The following ADCY3 variants were observed in gnomAD, a reference collection of about 807,000 sequenced individuals.
ADCY3 encodes adenylate cyclase type 3.
In ADCY3, 70 loss-of-function variants were observed where a neutral mutation model predicts 119.4. The observed-to-expected ratio is 0.59, with a 90% confidence interval of 0.48 to 0.72. The LOEUF (loss-of-function observed/expected upper bound fraction) is 0.72, where lower values mean the gene tolerates loss of function less well. Among genes scored for constraint, ADCY3 ranks in the 30% least tolerant of loss-of-function variants. ADCY3 has a pLI of 0.00. For synonymous variants in ADCY3, 672 were observed against 621.4 expected, an observed-to-expected ratio of 1.08 and a Z score of -1.21; for missense variants, 1,238 against 1,541.6, an observed-to-expected ratio of 0.80 and a Z score of 3.30.
At chr2:24,857,770 C>T (rs970762545) in intron 3 of ADCY3, among the ~76,000 whole-genome samples, 3 of 152,130 alleles carry the variant, frequency 2.0e-5, no homozygotes, top group Non-Finnish European at 4.4e-5. Flanking sequence ...AACTCAGTAC[C>T]ACCCTGGGCA....
At chr2:24,849,217 T>C (rs1251943792) in intron 3 of ADCY3, among the ~76,000 whole-genome samples, 1 of 152,200 alleles carries the variant, frequency 6.6e-6, no homozygotes, top group Non-Finnish European at 1.5e-5. Flanking sequence ...TCAGGCTCTC[T>C]TGGAACCTTG....
rs189176949 is a variant in ADCY3 at position 24,842,131 on chromosome 2, G to A, written c.956+123C>T. 3.1e-4 allele frequency: 418 copies of A among 1,366,418 alleles called. 3 individuals are homozygous for A. The African/African-American group carries it at 5.4e-3, about 18-fold the overall frequency. 84.6% of individuals were successfully genotyped at this position (1,366,418 alleles called of 1,614,324 possible). On this transcript the variant is annotated intron_variant, in intron 4 of 21. Transcript: ENST00000679454. This position sits in a 1 kb window ranked among gnomAD's most constrained non-coding sequence, Gnocchi z 4.9. The stretch of plus-strand genomic sequence containing the variant: ...CCTCCGCCAGGCTGATGAATGCTGT[G>A]GGAGGCCTTGCTTCTAGTCCCTGGA...
chr2:24,888,708 T>G (rs1677344685), intron 2 of ADCY3, among the ~76,000 whole-genome samples: 1 of 152,212 alleles, frequency 6.6e-6, no homozygotes, highest in African/African-American at 2.4e-5. Flanking sequence ...GTATTTTATT[T>G]TACCAAAATG....
In ADCY3 at chr2:24,856,051, G is replaced by C. The variant is rs184642467; in HGVS notation, c.826-13667C>G. On this transcript the variant is annotated intron_variant, in intron 3 of 21. Transcript: ENST00000679454. ...GAGTTAATTACAGCAAGGAGGCCAG[G>C]AGGGATTTGGATAAATGAGGTTGGC... 7.0e-4 allele frequency among the ~76,000 whole-genome samples: 106 copies of C among 152,332 alleles called. 1 individual carries two copies. The highest frequency in any genetic ancestry group is 2.4e-3 in the African/African-American group (100 of 41,572).
intron 3 of ADCY3, among the ~76,000 whole-genome samples, chr2:24,855,303 A>G (rs569697161): frequency 6.6e-6 from 1 of 152,314 alleles, no homozygotes; most frequent in South Asian, 2.1e-4. Flanking sequence ...TAATGAGGAA[A>G]GGCTGCTGGG....
rs895930534 is a variant in ADCY3 at position 24,898,384 on chromosome 2, G to A, written c.675+19929C>T. Among the ~76,000 whole-genome samples the A allele has an allele frequency of 6.6e-6, 1 of 152,014 alleles. No homozygotes were observed. The highest frequency in any genetic ancestry group is 1.5e-5 in the Non-Finnish European group (1 of 67,986). On this transcript the variant is annotated intron_variant, in intron 2 of 21. Coordinates refer to ENST00000679454, the MANE Select transcript of ADCY3 (RefSeq NM_004036.5). The surrounding 1 kb of genome is among the most constrained non-coding windows in gnomAD (Gnocchi z 4.3). ...ACCTACTGTCTGCGGGATGGGAGTC[G>A]GGACACTGACTGTGTGGGAATGCAC...
chr2:24,880,107 A>G (rs1321012288), intron 2 of ADCY3, among the ~76,000 whole-genome samples: 2 of 152,192 alleles, frequency 1.3e-5, no homozygotes, highest in African/African-American at 4.8e-5. Context: ...TGTGCCTCAA[A>G]ACAAAGGGGC....
intron 3 of ADCY3, among the ~76,000 whole-genome samples, chr2:24,854,728 C>T (rs559173622): frequency 8.5e-5 from 13 of 152,156 alleles, no homozygotes; most frequent in Admixed American, 7.8e-4. Flanking sequence ...AGGGGGACAC[C>T]TACCATTTGA....
At position 24,834,606 on chromosome 2, in the gene ADCY3, T is replaced by G; in HGVS notation, c.1846A>C (p.Met616Leu). 1.9e-6 allele frequency: 3 copies of G among 1,614,086 alleles called. No homozygotes were observed. Among genetic ancestry groups the G allele is most frequent in the Non-Finnish European group, 1.7e-6 (2 of 1,180,004 alleles). Residue 616 changes from methionine to leucine, a missense_variant, in exon 11 of 22, where the codon ATG (methionine) becomes CTG (leucine). Around this residue, in one of 7 missense-constraint regions of ADCY3, gnomAD observed 499 missense variants for 571.0 expected, o/e 0.87. Transcript: ENST00000679454. This position sits in a 1 kb window ranked among gnomAD's most constrained non-coding sequence, Gnocchi z 4.2. ...TAGCGGGTTTCCATCTCGGGGTCCA[T>G]GAACCGCATGGACAAGAGGAAGGTG... is the stretch of plus-strand genomic sequence containing the variant. ...RNTFLLSMRF[M>L]DPEMETRYSV...
chr2:24,835,099 C>CCA (rs1371022719), intron 9 of ADCY3, among the ~76,000 whole-genome samples, 163 bp from the exon 10 acceptor site: 1 of 140,062 alleles, frequency 7.1e-6, no homozygotes, highest in Non-Finnish European at 1.6e-5. Flanking sequence ...CCCCATGCTC[C>CCA]CACGTGGCTC....
chr2:24,854,143 G>A (rs547021931), intron 3 of ADCY3, among the ~76,000 whole-genome samples: 6 of 152,184 alleles, frequency 3.9e-5, no homozygotes, highest in Non-Finnish European at 8.8e-5. Flanking sequence ...GGTAGGGGGT[G>A]GCAGGGTTCC....
intron 2 of ADCY3, among the ~76,000 whole-genome samples, chr2:24,915,900 G>A (rs979632242): frequency 6.6e-6 from 1 of 152,248 alleles, no homozygotes; most frequent in East Asian, 1.9e-4. Context: ...GAAGACCCTG[G>A]TGGGTGGGCC....
At chr2:24,820,244 C>A in intron 21 of ADCY3, 130 bp from the exon 22 acceptor site, 2 of 1,196,152 alleles carry the variant, frequency 1.7e-6, no homozygotes, top group Non-Finnish European at 2.2e-6. Flanking sequence ...ACTCCCCAAA[C>A]CTCCCAGGGC....
chr2:24,882,918 A>G (rs1165675608), intron 2 of ADCY3, among the ~76,000 whole-genome samples: 2 of 152,010 alleles, frequency 1.3e-5, no homozygotes, highest in African/African-American at 4.8e-5. Context: ...TTAGCTGGGT[A>G]TATGGTGGCA....
At chr2:24,857,051 G>T (rs1673078758) in intron 3 of ADCY3, among the ~76,000 whole-genome samples, 1 of 152,220 alleles carries the variant, frequency 6.6e-6, no homozygotes, top group South Asian at 2.1e-4. Context: ...CTCAGTGTTG[G>T]CGGGGCCAGA....
In ADCY3 at chr2:24,820,075, A is replaced by G; in HGVS notation, c.3292T>C (p.Phe1098Leu). 6.3e-7 allele frequency: 1 copy of G among 1,579,970 alleles called. No homozygotes were observed. The highest frequency in any genetic ancestry group is 8.6e-7 in the Non-Finnish European group (1 of 1,163,822). Residue 1098 changes from phenylalanine (F) to leucine (L), a missense_variant, in exon 22 of 22, where the codon TTC (phenylalanine) becomes CTC (leucine). Physicochemically the swap from Phe to Leu is conservative, Grantham distance 22 (BLOSUM62 0). This residue lies in a region of ADCY3 where 86 missense variants were observed against 70.7 expected (regional missense o/e 1.22). Transcript: ENST00000679454. The stretch of plus-strand genomic sequence containing the variant: ...ATGGGGCCTCGCCTCACAAAGCGGA[A>G]GCCGTACTCTCGGAGGATGACTTGG... ...ETQVILREYG[F>L]RFVRRGPIFV...
At chr2:24,871,993 G>A (rs1331006813) in intron 3 of ADCY3, among the ~76,000 whole-genome samples, 1 of 152,222 alleles carries the variant, frequency 6.6e-6, no homozygotes, top group African/African-American at 2.4e-5. Flanking sequence ...CTTCAGCAGT[G>A]ACCTCAGATG....
intron 2 of ADCY3, among the ~76,000 whole-genome samples, chr2:24,880,525 C>T (rs1452030152): frequency 2.6e-5 from 4 of 152,216 alleles, no homozygotes; most frequent in Admixed American, 2.0e-4. Flanking sequence ...CATGTTATGA[C>T]GAGTCTGTGA....
intron 15 of ADCY3, chr2:24,826,449 GAAGC>G (rs895901217): frequency 4.8e-5 from 12 of 250,242 alleles, no homozygotes; most frequent in African/African-American, 2.5e-4. Context: ...GGAATTTGGA[GAAGC>G]AAGAGACATC....
Sources: allele counts gnomAD v4.1 joint callset (sites outside exome capture counted in the v4.1 genomes callset), GRCh38; gene constraint gnomAD v4.1.1; regional missense constraint gnomAD v4.1.1; non-coding constraint Gnocchi (gnomAD v3.1); transcripts MANE v1.5; gene names NCBI Gene and HGNC (gene_info 2026-07-23, HGNC 2026-07-21).